Variants in ZHX2 observed in about 807,000 individuals in gnomAD.
ZHX2 encodes the protein zinc fingers and homeoboxes protein 2.
ZHX2 carries 6 observed loss-of-function variants against 21.9 expected under a neutral mutation model. That is an observed-to-expected ratio of 0.27 (90% CI 0.15 to 0.54). The LOEUF is 0.54. Among genes scored for constraint, ZHX2 ranks in the 20% least tolerant of loss-of-function variants. The pLI is 0.95. For missense variants in ZHX2, 908 were observed against 1,090.7 expected, an observed-to-expected ratio of 0.83 and a Z score of 2.36; for synonymous variants, 434 against 437.1, an observed-to-expected ratio of 0.99 and a Z score of 0.09.
intron 1 of ZHX2, among the ~76,000 whole-genome samples, chr8:122,845,694 C>T (rs935327768): frequency 6.6e-6 from 1 of 152,176 alleles, no homozygotes; most frequent in Non-Finnish European, 1.5e-5. Flanking sequence ...CTACAAAGTG[C>T]TTTTTATGTC....
At chr8:122,842,648 A>C (rs1444072369) in intron 1 of ZHX2, among the ~76,000 whole-genome samples, 2 of 152,070 alleles carry the variant, frequency 1.3e-5, no homozygotes, top group Non-Finnish European at 2.9e-5. Flanking sequence ...CGGAGCTGGC[A>C]AGTGAGCCGA....
chr8:122,875,810 C>T (rs1444338036), intron 2 of ZHX2, among the ~76,000 whole-genome samples: 1 of 152,256 alleles, frequency 6.6e-6, no homozygotes, highest in East Asian at 1.9e-4. Flanking sequence ...AATTTTTCTA[C>T]ATTGCCTCCC....
intron 2 of ZHX2, among the ~76,000 whole-genome samples, chr8:122,945,225 T>G (rs1812939656): frequency 6.6e-6 from 1 of 152,120 alleles, no homozygotes; most frequent in Admixed American, 6.6e-5. Flanking sequence ...TCTTCATCTG[T>G]GCACCCCCAG....
intron 2 of ZHX2, among the ~76,000 whole-genome samples, chr8:122,871,011 T>C (rs1819420057): frequency 6.6e-6 from 1 of 152,026 alleles, no homozygotes; most frequent in South Asian, 2.1e-4. Context: ...AGCGTTGCAT[T>C]TGATGAACCG....
At chr8:122,806,628 A>T (rs184610900) in intron 1 of ZHX2, among the ~76,000 whole-genome samples, 263 of 152,332 alleles carry the variant, frequency 1.7e-3, no homozygotes, top group African/African-American at 6.1e-3. Flanking sequence ...CGGGCTCACA[A>T]CAGCTGAAAG....
chr8:122,943,191 T>C (rs1189399505), intron 2 of ZHX2, among the ~76,000 whole-genome samples: 1 of 151,576 alleles, frequency 6.6e-6, no homozygotes, highest in Non-Finnish European at 1.5e-5. Context: ...GAGCCCGGAG[T>C]GTGGAGGTTG....
rs143647984 is a variant in ZHX2 at position 122,963,479 on chromosome 8, A to G, written c.*4+9451A>G. 6.1e-3 allele frequency among the ~76,000 whole-genome samples: 923 copies of G among 152,240 alleles called. 10 individuals are homozygous for G. Among genetic ancestry groups the G allele is most frequent in the African/African-American group, 0.021 (882 of 41,548 alleles). ...TTTCTCTATCCTGTTCCATTGGTCT[A>G]TGTGCCTGTTTTTATACCAGTACTA... On this transcript the variant is annotated intron_variant, in intron 3 of 3. Transcript: ENST00000314393.
chr8:122,840,011 C>T (rs1027525870), intron 1 of ZHX2, among the ~76,000 whole-genome samples: 1 of 152,104 alleles, frequency 6.6e-6, no homozygotes, highest in Non-Finnish European at 1.5e-5. Context: ...TGAAGTGGCT[C>T]CCTGACCCCA....
At position 122,825,510 on chromosome 8, in the gene ZHX2, C is replaced by T. The variant is rs532088697; in HGVS notation, c.-282-37967C>T. Among the ~76,000 whole-genome samples, 263 of 152,250 alleles carry T rather than the reference C, an allele frequency of 1.7e-3. 1 individual carries two copies. Among genetic ancestry groups the T allele is most frequent in the African/African-American group, 6.0e-3 (248 of 41,534 alleles). On this transcript the variant is annotated intron_variant, in intron 1 of 3. Coordinates refer to ENST00000314393, the MANE Select transcript of ZHX2 (RefSeq NM_014943.5). ...CCGCCTCCCTCCAAGTCCTAGTTTT[C>T]GAGCTCTGCCATGGGATCAGGCCTC...
At chr8:122,889,503 A>G (rs1182022848) in intron 2 of ZHX2, among the ~76,000 whole-genome samples, 1 of 152,068 alleles carries the variant, frequency 6.6e-6, no homozygotes, top group Non-Finnish European at 1.5e-5. Context: ...TTTTCCATAT[A>G]CTTCTTGGCC....
chr8:122,869,411 T>A (rs1331528372), intron 2 of ZHX2, among the ~76,000 whole-genome samples: 2 of 151,586 alleles, frequency 1.3e-5, no homozygotes, highest in African/African-American at 4.8e-5. Context: ...CACTGCAACC[T>A]CCGCCTCCTG....
At chr8:122,887,055 G>A (rs919637087) in intron 2 of ZHX2, among the ~76,000 whole-genome samples, 1 of 16,216 alleles carries the variant, frequency 6.2e-5, no homozygotes, top group African/African-American at 1.6e-4. Flanking sequence ...GCCACCGTGT[G>A]TGTGTGTGTG....
At chr8:122,861,991 G>C (rs1270775915) in intron 1 of ZHX2, among the ~76,000 whole-genome samples, 1 of 152,118 alleles carries the variant, frequency 6.6e-6, no homozygotes, top group Non-Finnish European at 1.5e-5. Flanking sequence ...TTAATCACTG[G>C]GATTAACTGC....
chr8:122,829,498 AC>A (rs1818327197), intron 1 of ZHX2, among the ~76,000 whole-genome samples: 2 of 152,210 alleles, frequency 1.3e-5, no homozygotes, highest in South Asian at 4.1e-4. Flanking sequence ...ACATGGACGT[AC>A]CTACATCCAT....
At chr8:122,818,609 C>T (rs897065035) in intron 1 of ZHX2, among the ~76,000 whole-genome samples, 15 of 152,334 alleles carry the variant, frequency 9.8e-5, no homozygotes, top group African/African-American at 3.6e-4. Flanking sequence ...GCCTGGGGCT[C>T]TCCCACATTC....
intron 1 of ZHX2, among the ~76,000 whole-genome samples, chr8:122,792,519 C>T (rs1817536259): frequency 6.6e-6 from 1 of 152,082 alleles, no homozygotes; most frequent in African/African-American, 2.4e-5. Context: ...TATAGTAACT[C>T]TATGTTTAAC....
At chr8:122,970,600 G>A (rs1004546401) in intron 3 of ZHX2, among the ~76,000 whole-genome samples, 1 of 152,182 alleles carries the variant, frequency 6.6e-6, no homozygotes, top group South Asian at 2.1e-4. Context: ...CTGACCCAAC[G>A]TTCTTTAGCC....
intron 2 of ZHX2, among the ~76,000 whole-genome samples, chr8:122,868,698 CAAAAAA>C (rs35306891): frequency 2.0e-5 from 2 of 100,646 alleles, no homozygotes; most frequent in Non-Finnish European, 1.9e-5. Context: ...AAGACTCCGT[CAAAAAA>C]AAAAAAAAAA....
At chr8:122,959,492 C>T (rs1049302400) in intron 3 of ZHX2, among the ~76,000 whole-genome samples, 1 of 152,172 alleles carries the variant, frequency 6.6e-6, no homozygotes, top group African/African-American at 2.4e-5. Context: ...CCCTTACCGG[C>T]AGGGACCATA....
Sources: gnomAD v4.1 joint callset for allele counts (sites outside exome capture counted in the v4.1 genomes callset) on GRCh38, gnomAD v4.1.1 for gene constraint, MANE v1.5 for transcripts, NCBI Gene and HGNC (gene_info 2026-07-23, HGNC 2026-07-21) for gene names.